AXDND1: variants seen among roughly 807,000 people sequenced by gnomAD.
AXDND1 encodes the protein axonemal dynein light chain domain containing 1, also known as axonemal dynein light chain domain-containing protein 1.
Under a neutral mutation model 137.5 loss-of-function variants are expected in AXDND1, and 110 were observed. The observed-to-expected ratio is 0.80, with a 90% confidence interval of 0.69 to 0.94. The LOEUF (loss-of-function observed/expected upper bound fraction) is 0.94, where lower values mean the gene tolerates loss of function less well. Among genes scored for constraint, AXDND1 ranks in the 40% least tolerant of loss-of-function variants. The pLI is 0.00. For synonymous variants in AXDND1, 414 were observed against 399.7 expected (o/e 1.04, Z -0.43); for missense variants, 1,191 against 1,169.8 (o/e 1.02, Z -0.26).
chr1:179,479,475 C>CAAAAA (rs55719902), intron 17 of AXDND1, among the ~76,000 whole-genome samples: 3,027 of 133,518 alleles, frequency 0.023, 211 homozygotes, highest in African/African-American at 0.082. Context: ...AACTCTGTCT[C>CAAAAA]AAAAAAAAAA....
intron 12 of AXDND1, among the ~76,000 whole-genome samples, chr1:179,421,650 G>A (rs1346123692): frequency 6.6e-6 from 1 of 151,624 alleles, no homozygotes; most frequent in Non-Finnish European, 1.5e-5. Context: ...TGCAAAAGTT[G>A]GGATTACAGG....
At chr1:179,391,245 T>G (rs1650148321) in intron 9 of AXDND1, among the ~76,000 whole-genome samples, 1 of 152,094 alleles carries the variant, frequency 6.6e-6, no homozygotes, top group Non-Finnish European at 1.5e-5. Flanking sequence ...CATGATACCT[T>G]GTTTCTCTTA....
chr1:179,517,878 G>C (rs1669692310), intron 21 of AXDND1, among the ~76,000 whole-genome samples: 1 of 152,172 alleles, frequency 6.6e-6, no homozygotes. Flanking sequence ...CTTTGTTCTT[G>C]CAGTCATTCT....
chr1:179,530,186 T>C (rs1182219952), intron 23 of AXDND1, among the ~76,000 whole-genome samples: 1 of 152,032 alleles, frequency 6.6e-6, no homozygotes, highest in Admixed American at 6.5e-5. Context: ...CCCACCACCA[T>C]GCCCGGCTAA....
At position 179,528,470 on chromosome 1, in the gene AXDND1, T is replaced by C. The variant is rs1261873542; in HGVS notation, c.2715+39T>C. ...ACCCAGCTAGGGAATTCAACACTAT[T>C]TAACATTGCATAAAAATGATATGGT... On this transcript the variant is annotated intron_variant, in intron 23 of 25. Transcript: ENST00000367618. 5.7e-6 allele frequency: 8 copies of C among 1,394,024 alleles called. No homozygotes were observed. In the South Asian group the frequency reaches 7.0e-5, roughly 12 times the overall value. 86.4% of individuals were successfully genotyped at this position (1,394,024 alleles called of 1,614,324 possible).
intron 18 of AXDND1, among the ~76,000 whole-genome samples, chr1:179,486,511 C>A (rs1666105049): frequency 8.0e-6 from 1 of 125,668 alleles, no homozygotes; most frequent in South Asian, 2.2e-4. Context: ...TAAGACCATA[C>A]ATGAGACACA....
In AXDND1 at chr1:179,400,921, A is replaced by AG. The variant is rs1400407909; in HGVS notation, c.1109+5719_1109+5720insG. Among the ~76,000 whole-genome samples the AG allele has an allele frequency of 2.2e-3, 291 of 132,676 alleles. 2 individuals are homozygous for AG. Among genetic ancestry groups the AG allele is most frequent in the African/African-American group, 7.4e-3 (268 of 36,386 alleles). 87.0% of individuals were successfully genotyped at this position (132,676 alleles called of 152,430 possible). A position where few individuals can be genotyped will look rare whatever the true frequency, so the allele number is the denominator to read the frequency against. On this transcript the variant is annotated intron_variant, in intron 11 of 25. Transcript: ENST00000367618. ...CTCTGTCTCAAAAAAAAAAAAAAAA[A>AG]AAAAAAGAAAAAAAAAAGGACACAG...
In AXDND1 at chr1:179,488,588, CTCTTTCTT is replaced by C. The variant is rs143458024; in HGVS notation, c.2092-2940_2092-2933del. On this transcript the variant is annotated intron_variant, in intron 18 of 25. Coordinates refer to ENST00000367618, the MANE Select transcript of AXDND1 (RefSeq NM_144696.6). ...GCCTGATCTATCTTTCTTTCTCTCT[CTCTTTCTT>C]TCTTTCTTTTTCTTTCTTTCTTTCT... Among the ~76,000 whole-genome samples, 1,273 of 135,188 alleles carry C rather than the reference CTCTTTCTT, an allele frequency of 9.4e-3. 99 individuals are homozygous for C. Among genetic ancestry groups the C allele is most frequent in the Admixed American group, 0.059 (806 of 13,738 alleles). The allele number at this position is 135,188 out of a possible 152,430, so 88.7% of individuals were successfully genotyped here. A position where few individuals can be genotyped will look rare whatever the true frequency, so the allele number is the denominator to read the frequency against.
At chr1:179,441,245 G>T (rs184158550) in intron 15 of AXDND1, among the ~76,000 whole-genome samples, 2 of 152,058 alleles carry the variant, frequency 1.3e-5, no homozygotes, top group Non-Finnish European at 2.9e-5. Flanking sequence ...CGTTTTTTCC[G>T]TTGGGTGGGG....
At chr1:179,530,297 G>C (rs1670929583) in intron 23 of AXDND1, among the ~76,000 whole-genome samples, 1 of 152,174 alleles carries the variant, frequency 6.6e-6, no homozygotes, top group Non-Finnish European at 1.5e-5. Flanking sequence ...CCAAAGTGCT[G>C]GGATTACAGG....
At chr1:179,369,324 C>T (rs539510305) in intron 3 of AXDND1, among the ~76,000 whole-genome samples, 4 of 152,260 alleles carry the variant, frequency 2.6e-5, no homozygotes, top group East Asian at 1.9e-4. Flanking sequence ...GCAATCCACC[C>T]GCCTTAGCCT....
intron 16 of AXDND1, among the ~76,000 whole-genome samples, chr1:179,462,441 G>A (rs533824682): frequency 8.5e-5 from 13 of 152,186 alleles, no homozygotes; most frequent in Admixed American, 3.9e-4. Flanking sequence ...TGCTGGATTC[G>A]GTTTGCCAGT....
chr1:179,464,123 G>C (rs1293881799), intron 16 of AXDND1, among the ~76,000 whole-genome samples: 1 of 151,996 alleles, frequency 6.6e-6, no homozygotes, highest in Non-Finnish European at 1.5e-5. Flanking sequence ...TTACATTTAA[G>C]GTTAATATTA....
At chr1:179,473,667 C>A (rs1206308282) in intron 17 of AXDND1, among the ~76,000 whole-genome samples, 1 of 152,094 alleles carries the variant, frequency 6.6e-6, no homozygotes, top group Non-Finnish European at 1.5e-5. Flanking sequence ...CAAATCTCAT[C>A]TTGAATTGCA....
chr1:179,406,226 A>G (rs1191350657), intron 11 of AXDND1, among the ~76,000 whole-genome samples: 1 of 152,154 alleles, frequency 6.6e-6, no homozygotes, highest in East Asian at 1.9e-4. Context: ...AAGATACTTG[A>G]TATGTTTCCA....
intron 16 of AXDND1, among the ~76,000 whole-genome samples, chr1:179,457,551 A>G (rs1032431322): frequency 2.0e-5 from 3 of 152,178 alleles, no homozygotes; most frequent in South Asian, 2.1e-4. Context: ...AGTTCTTTTT[A>G]CATACTTAAA....
rs138869355 is a variant in AXDND1 at position 179,511,001 on chromosome 1, G to A, written c.2496+1598G>A. On this transcript the variant is annotated intron_variant, in intron 21 of 25. Coordinates refer to ENST00000367618, the MANE Select transcript of AXDND1 (RefSeq NM_144696.6). ...CATCAGTGAGAACATATGGTGTTTC[G>A]TTTTCCATTCTTGAGCTACTTCACT... is the stretch of plus-strand genomic sequence containing the variant. Among the ~76,000 whole-genome samples, 630 of 149,734 alleles carry A rather than the reference G, an allele frequency of 4.2e-3. 4 individuals are homozygous for A. Among genetic ancestry groups the A allele is most frequent in the African/African-American group, 0.015 (599 of 40,650 alleles).
At chr1:179,414,133 T>A (rs566539357) in intron 12 of AXDND1, among the ~76,000 whole-genome samples, 15 of 151,772 alleles carry the variant, frequency 9.9e-5, no homozygotes, top group African/African-American at 3.6e-4. Context: ...CAGAAAAAAA[T>A]AAATTTAAAC....
chr1:179,401,701 G>A lies in AXDND1; in HGVS notation c.1109+6499G>A, dbSNP rs115085854. ...GGGGTGGTTTCCCTGTACTGTTCTC[G>A]TGGTAGTAAGTCTCACGAGACCTGA... On this transcript the variant is annotated intron_variant, in intron 11 of 25. Transcript: ENST00000367618. Among the ~76,000 whole-genome samples, 961 of 152,128 alleles carry A rather than the reference G, an allele frequency of 6.3e-3. 9 individuals are homozygous for A. The highest frequency in any genetic ancestry group is 0.022 in the African/African-American group (920 of 41,486).
Sources: gnomAD v4.1 joint callset for allele counts (sites outside exome capture counted in the v4.1 genomes callset) on GRCh38, gnomAD v4.1.1 for gene constraint, MANE v1.5 for transcripts, NCBI Gene and HGNC (gene_info 2026-07-23, HGNC 2026-07-21) for gene names.